The following GLIS3 variants were observed in gnomAD, a reference collection of about 807,000 sequenced individuals.
GLIS3 encodes the protein GLIS family zinc finger 3, also known as zinc finger protein GLIS3.
A neutral mutation model predicts 78.6 loss-of-function variants in GLIS3; 53 were observed. The ratio of observed to expected loss-of-function variants is 0.67; its 90% CI spans 0.54 to 0.85. The LOEUF is 0.85. Among genes scored for constraint, GLIS3 ranks in the 40% least tolerant of loss-of-function variants. The pLI is 0.00. For missense variants in GLIS3, 1,703 were observed against 1,231.1 expected (o/e 1.38, Z -5.74); for synonymous variants, 684 against 509.9 (o/e 1.34, Z -4.60).
chr9:4,173,466 A>G (rs147927549), intron 2 of GLIS3, among the ~76,000 whole-genome samples: 25 of 152,254 alleles, frequency 1.6e-4, no homozygotes, highest in African/African-American at 4.1e-4. Context: ...AATGTGGGGC[A>G]TAAGTAAATT....
chr9:4,367,046 C>G, the GLIS3 span, among the ~76,000 whole-genome samples: 1 of 152,222 alleles, frequency 6.6e-6, no homozygotes, highest in South Asian at 2.1e-4. Context: ...GAATAGCAGC[C>G]TTTATCTATA....
intron 2 of GLIS3, among the ~76,000 whole-genome samples, chr9:4,281,467 C>G (rs1827543002): frequency 6.6e-6 from 1 of 152,188 alleles, no homozygotes; most frequent in South Asian, 2.1e-4. Context: ...CTCCCAGCAA[C>G]CACCACTCTT....
At chr9:4,376,772 G>C in the GLIS3 span, among the ~76,000 whole-genome samples, 1 of 135,568 alleles carries the variant, frequency 7.4e-6, no homozygotes, top group African/African-American at 2.6e-5. Flanking sequence ...GTTTTAATGA[G>C]AATACTCAAT....
intron 2 of GLIS3, among the ~76,000 whole-genome samples, chr9:4,245,077 T>C (rs890683652): frequency 6.6e-6 from 1 of 152,176 alleles, no homozygotes; most frequent in Non-Finnish European, 1.5e-5. Flanking sequence ...TAAATACACA[T>C]CTAGATGCTC....
At chr9:4,166,527 C>G (rs535404718) in intron 2 of GLIS3, among the ~76,000 whole-genome samples, 6 of 152,216 alleles carry the variant, frequency 3.9e-5, no homozygotes, top group Non-Finnish European at 7.3e-5. Flanking sequence ...TGAAAGAGAA[C>G]TGCACTAATG....
chr9:3,856,621 A>G (rs937155502), intron 8 of GLIS3, among the ~76,000 whole-genome samples: 3 of 152,354 alleles, frequency 2.0e-5, no homozygotes, highest in African/African-American at 7.2e-5. Context: ...TTTGTAAGAT[A>G]TATCTGAGGT....
chr9:4,014,361 G>A (rs1459402818), intron 4 of GLIS3, among the ~76,000 whole-genome samples: 1 of 152,184 alleles, frequency 6.6e-6, no homozygotes, highest in Admixed American at 6.5e-5. Context: ...GGGGACATCA[G>A]AATTTGACCC....
the GLIS3 span, among the ~76,000 whole-genome samples, chr9:4,369,003 T>C: frequency 6.6e-6 from 1 of 152,336 alleles, no homozygotes; most frequent in African/African-American, 2.4e-5. Context: ...TGTTTTCTTT[T>C]TTCCTGAAAA....
At chr9:4,310,342 T>G (rs1018760331) in intron 3 of GLIS3, 1 of 152,176 alleles carries the variant, frequency 6.6e-6, no homozygotes, top group African/African-American at 2.4e-5. Context: ...ATAGACTTCT[T>G]AGGCAAACTC....
At chr9:4,293,458 CAAT>C (rs769119298) in intron 1 of GLIS3, among the ~76,000 whole-genome samples, 16 of 152,328 alleles carry the variant, frequency 1.1e-4, no homozygotes, top group Non-Finnish European at 2.2e-4. Flanking sequence ...ACATCCACAA[CAAT>C]GACTAGGCCC....
At chr9:3,884,744 C>T (rs188826914) in intron 7 of GLIS3, among the ~76,000 whole-genome samples, 1 of 152,250 alleles carries the variant, frequency 6.6e-6, no homozygotes, top group East Asian at 1.9e-4. Flanking sequence ...GGTTAAGTTA[C>T]CTGGCTTAGG....
At chr9:4,362,323 C>T in the GLIS3 span, among the ~76,000 whole-genome samples, 1 of 152,200 alleles carries the variant, frequency 6.6e-6, no homozygotes, top group Non-Finnish European at 1.5e-5. Flanking sequence ...AGGAATCTCT[C>T]ATTCTTTTTG....
At chr9:4,053,568 C>T (rs927622770) in intron 4 of GLIS3, among the ~76,000 whole-genome samples, 2 of 151,690 alleles carry the variant, frequency 1.3e-5, no homozygotes, top group South Asian at 4.2e-4. Flanking sequence ...TCTCCTAAGC[C>T]TAAAACAGTC....
rs180750845 is a variant in GLIS3, at chr9:3,826,561, T to G, written c.*1711A>C. 7.9e-5 allele frequency: 12 copies of G among 152,326 alleles called. No homozygotes were observed. Among genetic ancestry groups the G allele is most frequent in the Middle Eastern group, 3.4e-3 (1 of 294 alleles). 9.4% of individuals were successfully genotyped at this position (152,326 alleles called of 1,614,324 possible). A position where few individuals can be genotyped will look rare whatever the true frequency, so the allele number is the denominator to read the frequency against. On this transcript the variant is annotated 3_prime_UTR_variant, in exon 11 of 11. Transcript: ENST00000381971. ...AGCCCACTACTCAGAGAAACTAGAT[T>G]GACCAAGTGCACTGTGAAAACAAAA...
chr9:4,090,789 C>A (rs1180088896), intron 4 of GLIS3, among the ~76,000 whole-genome samples: 2 of 152,130 alleles, frequency 1.3e-5, no homozygotes, highest in East Asian at 1.9e-4. Flanking sequence ...CAAAACACAC[C>A]CTCTGTCAAC....
At chr9:4,197,621 C>G (rs1563739849) in intron 2 of GLIS3, among the ~76,000 whole-genome samples, 1 of 152,190 alleles carries the variant, frequency 6.6e-6, no homozygotes, top group Non-Finnish European at 1.5e-5. Flanking sequence ...GGCAAACCTG[C>G]CCAGTCCTGC....
intron 8 of GLIS3, among the ~76,000 whole-genome samples, chr9:3,865,363 C>A (rs183346633): frequency 6.6e-6 from 1 of 152,144 alleles, no homozygotes; most frequent in East Asian, 1.9e-4. Context: ...TTCTAGATCG[C>A]GCCTTTAAAA....
chr9:3,936,927 C>G (rs1214918937), intron 5 of GLIS3, 101 bp downstream of exon 5: 3 of 1,515,784 alleles, frequency 2.0e-6, no homozygotes, highest in Non-Finnish European at 2.7e-6. Context: ...TCCCTGTAAC[C>G]TGCAGACCAT....
chr9:4,469,201 C>G, the GLIS3 span, among the ~76,000 whole-genome samples: 9 of 151,952 alleles, frequency 5.9e-5, no homozygotes, highest in Non-Finnish European at 1.3e-4. Flanking sequence ...ACTTTAACAC[C>G]CCACTGTCAA....
Sources: allele counts gnomAD v4.1 joint callset (sites outside exome capture counted in the v4.1 genomes callset), GRCh38; gene constraint gnomAD v4.1.1; transcripts MANE v1.5; gene names NCBI Gene and HGNC (gene_info 2026-07-23, HGNC 2026-07-21).